Variants in STK4 observed in about 807,000 individuals in gnomAD.
STK4 encodes serine/threonine-protein kinase 4.
A neutral mutation model predicts 64.9 loss-of-function variants in STK4; 30 were observed. The observed-to-expected ratio is 0.46, with a 90% CI of 0.35 to 0.63. The LOEUF is 0.63. Among genes scored for constraint, STK4 ranks in the 20% least tolerant of loss-of-function variants. The probability of loss-of-function intolerance (pLI) is 0.01; values close to 1 mark genes in which losing one functional copy is unlikely to be tolerated. For synonymous variants in STK4, 177 were observed against 199.0 expected, an observed-to-expected ratio of 0.89 and a Z score of 0.93; for missense variants, 466 against 598.5, an observed-to-expected ratio of 0.78 and a Z score of 2.31.
At chr20:45,034,114 G>A (rs2068489404) in intron 10 of STK4, among the ~76,000 whole-genome samples, 1 of 151,898 alleles carries the variant, frequency 6.6e-6, no homozygotes, top group African/African-American at 2.4e-5. Flanking sequence ...ACCTGTGGGA[G>A]GCAGTAAACA....
At chr20:45,058,915 G>A (rs1978737425) in intron 10 of STK4, among the ~76,000 whole-genome samples, 1 of 152,100 alleles carries the variant, frequency 6.6e-6, no homozygotes, top group South Asian at 2.1e-4. Flanking sequence ...TATTCTAGGA[G>A]GTGTAATGGG....
chr20:45,018,368 G>C (rs576466118), intron 9 of STK4, among the ~76,000 whole-genome samples: 78 of 152,276 alleles, frequency 5.1e-4, no homozygotes, highest in Non-Finnish European at 9.0e-4. Context: ...TGACCATATT[G>C]GTTTACTTAG....
rs1344746012 is a variant in STK4 at position 45,076,888 on chromosome 20, G to A, written c.*1712G>A. The A allele has an allele frequency of 6.6e-6, 1 of 152,202 alleles. No homozygotes were observed. Among genetic ancestry groups the A allele is most frequent in the African/African-American group, 2.4e-5 (1 of 41,456 alleles). 9.4% of individuals were successfully genotyped at this position (152,202 alleles called of 1,614,324 possible). The stretch of plus-strand genomic sequence containing the variant: ...TTTTTAAAAAATGCAAGAGGCAGTT[G>A]TTAGTCTTCAGGGCTTGGCAACTGA... On this transcript the variant is annotated 3_prime_UTR_variant, in exon 11 of 11. Transcript: ENST00000372806. The surrounding 1 kb of genome is among the most constrained non-coding windows in gnomAD (Gnocchi z 4.0).
At chr20:44,991,409 G>A (rs1297726755) in intron 5 of STK4, among the ~76,000 whole-genome samples, 8 of 152,186 alleles carry the variant, frequency 5.3e-5, no homozygotes, top group Non-Finnish European at 5.9e-5. Context: ...ATATGTGAAT[G>A]TATATTGGCA....
intron 9 of STK4, among the ~76,000 whole-genome samples, chr20:45,006,250 G>GGTGT (rs2067942139): frequency 7.4e-6 from 1 of 134,598 alleles, no homozygotes; most frequent in Admixed American, 7.4e-5. Flanking sequence ...TTTTGTTTCG[G>GGTGT]ATGTATTTAT....
intron 10 of STK4, among the ~76,000 whole-genome samples, chr20:45,034,262 G>T (rs2068492050): frequency 6.6e-6 from 1 of 151,856 alleles, no homozygotes; most frequent in Non-Finnish European, 1.5e-5. Context: ...AAAGTTGATT[G>T]GTAAAAACCA....
rs1436481478 is a variant in STK4 at position 45,042,816 on chromosome 20, A to T, written c.1305+17686A>T. ...GATACATCCAGATTTTTTGACTGAA[A>T]ATGTTAGATTTTACTTTTTCTTTTT... On this transcript the variant is annotated intron_variant, in intron 10 of 10. Transcript: ENST00000372806. Among the ~76,000 whole-genome samples the T allele has an allele frequency of 2.6e-5, 4 of 152,090 alleles. No homozygotes were observed. The East Asian group carries it at 7.7e-4, about 29-fold the overall frequency.
intron 10 of STK4, among the ~76,000 whole-genome samples, chr20:45,047,743 G>A (rs1336188135): frequency 6.6e-6 from 1 of 152,212 alleles, no homozygotes. Context: ...ATTTAGCAAA[G>A]TGCCTGGCAT....
intron 10 of STK4, among the ~76,000 whole-genome samples, chr20:45,044,052 C>T (rs2068655102): frequency 6.6e-6 from 1 of 152,202 alleles, no homozygotes; most frequent in Non-Finnish European, 1.5e-5. Context: ...AATTGATTAC[C>T]AAAGTGATCA....
At chr20:45,001,648 G>T (rs1221088284) in intron 9 of STK4, among the ~76,000 whole-genome samples, 1 of 152,154 alleles carries the variant, frequency 6.6e-6, no homozygotes, top group Non-Finnish European at 1.5e-5. Flanking sequence ...TTGATCTTTG[G>T]AGGCAAGCAC....
At chr20:44,996,424 C>T (rs2067732105) in intron 6 of STK4, among the ~76,000 whole-genome samples, 1 of 152,132 alleles carries the variant, frequency 6.6e-6, no homozygotes, top group South Asian at 2.1e-4. Context: ...AATTAATTCT[C>T]CTATTAAAAG....
At position 45,000,888 on chromosome 20, in the gene STK4, C is replaced by T. The variant is rs143491210; in HGVS notation, c.961-279C>T. Reference sequence around the variant, plus strand: ...TAGACTTCTTCACAACCCTGAGATTCCAAAGATGTTCACATGAGTTTCTTA... The same window carrying T: ...TAGACTTCTTCACAACCCTGAGATTTCAAAGATGTTCACATGAGTTTCTTA... On this transcript the variant is annotated intron_variant, in intron 8 of 10. Transcript: ENST00000372806. 1.1e-3 allele frequency among the ~76,000 whole-genome samples: 171 copies of T among 152,194 alleles called. 2 individuals are homozygous for T. The highest frequency in any genetic ancestry group is 4.0e-3 in the African/African-American group (165 of 41,512).
intron 2 of STK4, chr20:44,972,719 A>C (rs1317152786): frequency 6.6e-6 from 1 of 152,166 alleles, no homozygotes; most frequent in African/African-American, 2.4e-5. Context: ...GATACAATTA[A>C]GTTTACATAA....
At chr20:45,006,963 C>T (rs2067957647) in intron 9 of STK4, among the ~76,000 whole-genome samples, 1 of 152,146 alleles carries the variant, frequency 6.6e-6, no homozygotes, top group African/African-American at 2.4e-5. Context: ...GTAGGCCACT[C>T]GGCTCAGTGC....
intron 2 of STK4, chr20:44,972,685 G>A (rs553077727): frequency 6.6e-6 from 1 of 152,204 alleles, no homozygotes; most frequent in South Asian, 2.1e-4. Flanking sequence ...TTAGTAATGT[G>A]CAGTGACCAT....
chr20:45,016,495 C>G (rs1436772716), intron 9 of STK4, among the ~76,000 whole-genome samples: 1 of 152,192 alleles, frequency 6.6e-6, no homozygotes, highest in Non-Finnish European at 1.5e-5. Context: ...AGAGTGGAGA[C>G]TAAATCCTAA....
chr20:45,061,872 C>CTTTTTTTTTTTTTTTTTTTTTTTT (rs71197598), intron 10 of STK4, among the ~76,000 whole-genome samples: 1 of 115,114 alleles, frequency 8.7e-6, no homozygotes, highest in Non-Finnish European at 1.8e-5. Flanking sequence ...TCTTCTTCTT[C>CTTTTTTTTTTTTTTTTTTTTTTTT]TTTTTTTTTT....
intron 10 of STK4, among the ~76,000 whole-genome samples, chr20:45,057,077 G>A (rs1029806887): frequency 3.9e-5 from 6 of 152,240 alleles, no homozygotes; most frequent in African/African-American, 1.2e-4. Flanking sequence ...GAACACAAGA[G>A]CCATGTGGAG....
At chr20:45,017,806 C>G (rs1347324122) in intron 9 of STK4, among the ~76,000 whole-genome samples, 1 of 152,188 alleles carries the variant, frequency 6.6e-6, no homozygotes, top group Non-Finnish European at 1.5e-5. Flanking sequence ...ATTTAGCTCT[C>G]TTTGAATTTA....
Sources: allele counts gnomAD v4.1 joint callset (sites outside exome capture counted in the v4.1 genomes callset), GRCh38; gene constraint gnomAD v4.1.1; non-coding constraint Gnocchi (gnomAD v3.1); transcripts MANE v1.5; gene names NCBI Gene and HGNC (gene_info 2026-07-23, HGNC 2026-07-21).